Variants in QTMAN observed in about 807,000 individuals in gnomAD.
QTMAN encodes the protein tRNA-queuosine alpha-mannosyltransferase.
chr2:144,231,984 T>C, the QTMAN span, among the ~76,000 whole-genome samples: 1 of 152,024 alleles, frequency 6.6e-6, no homozygotes, highest in East Asian at 1.9e-4. Flanking sequence ...GAAAAAAGTT[T>C]CGCTGGCATG....
At chr2:144,169,165 T>C in the QTMAN span, among the ~76,000 whole-genome samples, 1 of 152,088 alleles carries the variant, frequency 6.6e-6, no homozygotes, top group African/African-American at 2.4e-5. Flanking sequence ...ATTTAGAAAA[T>C]CCTAATGCCT....
At chr2:144,158,586 A>C in the QTMAN span, among the ~76,000 whole-genome samples, 1 of 152,068 alleles carries the variant, frequency 6.6e-6, no homozygotes, top group African/African-American at 2.4e-5. Context: ...TCAGATCTTT[A>C]CAAGCATAGG....
At chr2:144,272,475 C>T in the QTMAN span, among the ~76,000 whole-genome samples, 3 of 152,136 alleles carry the variant, frequency 2.0e-5, no homozygotes, top group Non-Finnish European at 4.4e-5. Flanking sequence ...TAACACTATG[C>T]ATGAGGACTG....
At chr2:144,319,243 C>T in the QTMAN span, among the ~76,000 whole-genome samples, 5 of 151,954 alleles carry the variant, frequency 3.3e-5, no homozygotes, top group South Asian at 2.1e-4. Context: ...TAGCTTTTTG[C>T]AAATAGAAAC....
chr2:144,307,126 A>C, the QTMAN span, among the ~76,000 whole-genome samples: 1 of 132,652 alleles, frequency 7.5e-6, no homozygotes, highest in Non-Finnish European at 1.5e-5. Flanking sequence ...GTGCCACTGC[A>C]CTCCAGCCTG....
At chr2:144,125,066 C>T in the QTMAN span, among the ~76,000 whole-genome samples, 2 of 152,076 alleles carry the variant, frequency 1.3e-5, no homozygotes, top group African/African-American at 2.4e-5. Context: ...ATAAGCACTA[C>T]TTTTGCCATG....
At chr2:144,197,087 G>A in the QTMAN span, among the ~76,000 whole-genome samples, 1 of 152,072 alleles carries the variant, frequency 6.6e-6, no homozygotes, top group Non-Finnish European at 1.5e-5. Flanking sequence ...TGCTATATTT[G>A]CATAGCCTAT....
At chr2:143,992,844 AAT>A in the QTMAN span, among the ~76,000 whole-genome samples, 1 of 152,206 alleles carries the variant, frequency 6.6e-6, no homozygotes, top group Non-Finnish European at 1.5e-5. Flanking sequence ...AAAAAATCAA[AAT>A]AGTGTTTAAG....
At chr2:143,954,350 C>T in the QTMAN span, among the ~76,000 whole-genome samples, 1 of 151,952 alleles carries the variant, frequency 6.6e-6, no homozygotes, top group Admixed American at 6.6e-5. Context: ...AAGTCATAGG[C>T]ATTTCAGAGA....
the QTMAN span, among the ~76,000 whole-genome samples, chr2:144,269,218 C>T: frequency 6.6e-6 from 1 of 152,130 alleles, no homozygotes; most frequent in Admixed American, 6.5e-5. Context: ...ACTTTTAATT[C>T]ATTTAAAAGT....
the QTMAN span, among the ~76,000 whole-genome samples, chr2:144,236,631 A>AC: frequency 1.3e-5 from 2 of 152,164 alleles, no homozygotes; most frequent in African/African-American, 2.4e-5. Flanking sequence ...TCCAAAAAGG[A>AC]CCATTTATGA....
At chr2:144,280,242 AACAG>A in the QTMAN span, among the ~76,000 whole-genome samples, 2 of 152,190 alleles carry the variant, frequency 1.3e-5, no homozygotes, top group African/African-American at 2.4e-5. Context: ...TTTATTTACT[AACAG>A]ACAATTAAAC....
chr2:144,106,638 C>A, the QTMAN span, among the ~76,000 whole-genome samples: 159 of 152,312 alleles, frequency 1.0e-3, no homozygotes, highest in Non-Finnish European at 1.9e-3. Flanking sequence ...GAGACTTAGA[C>A]TCCCACACAA....
chr2:144,067,755 T>C, the QTMAN span, among the ~76,000 whole-genome samples: 1 of 152,160 alleles, frequency 6.6e-6, no homozygotes, highest in African/African-American at 2.4e-5. Flanking sequence ...AAGGGGGTGC[T>C]AGGCATCCAG....
the QTMAN span, among the ~76,000 whole-genome samples, chr2:143,975,843 T>G: frequency 6.6e-6 from 1 of 152,122 alleles, no homozygotes; most frequent in African/African-American, 2.4e-5. Flanking sequence ...AGAAATATAG[T>G]TGGGTTGGGT....
chr2:144,302,122 G>T, the QTMAN span, among the ~76,000 whole-genome samples: 1 of 151,934 alleles, frequency 6.6e-6, no homozygotes, highest in Non-Finnish European at 1.5e-5. Context: ...TACCTACAAT[G>T]GCACTCATCT....
the QTMAN span, among the ~76,000 whole-genome samples, chr2:144,326,257 G>A: frequency 2.0e-5 from 3 of 152,138 alleles, no homozygotes; most frequent in Non-Finnish European, 4.4e-5. Flanking sequence ...TCAGGTGACT[G>A]ATGCCATTTT....
the QTMAN span, among the ~76,000 whole-genome samples, chr2:144,250,225 C>G: frequency 3.3e-5 from 5 of 151,688 alleles, no homozygotes; most frequent in South Asian, 1.0e-3. Flanking sequence ...CTCACCGCAG[C>G]CTCCACCTCC....
chr2:144,219,350 C>T, the QTMAN span, among the ~76,000 whole-genome samples: 2 of 152,044 alleles, frequency 1.3e-5, no homozygotes, highest in African/African-American at 4.8e-5. Flanking sequence ...AGGCTGGTCT[C>T]GAACTCCTGA....
Sources: gnomAD v4.1 joint callset for allele counts (sites outside exome capture counted in the v4.1 genomes callset) on GRCh38, gnomAD v4.1.1 for gene constraint, MANE v1.5 for transcripts, NCBI Gene and HGNC (gene_info 2026-07-23, HGNC 2026-07-21) for gene names.